The following HMCN2 variants were observed in gnomAD, a reference collection of about 807,000 sequenced individuals.
HMCN2 encodes the protein hemicentin-2.
Under a neutral mutation model 377.5 loss-of-function variants are expected in HMCN2, and 325 were observed. That is an observed-to-expected ratio of 0.86 (90% confidence interval 0.79 to 0.94). The LOEUF (loss-of-function observed/expected upper bound fraction) is 0.94. Ranked by LOEUF, HMCN2 falls within the 40% of genes least tolerant of loss-of-function variation. The pLI, the probability that HMCN2 is intolerant of heterozygous loss-of-function variation, is 0.00. For missense variants in HMCN2, 4,543 were observed against 4,725.3 expected (o/e 0.96, Z 1.13); for synonymous variants, 2,007 against 2,046.8 (o/e 0.98, Z 0.53).
chr9:130,341,501 C>A (rs1232123627), intron 24 of HMCN2, 136 bp downstream of exon 24: 1 of 152,262 alleles, frequency 6.6e-6, no homozygotes, highest in Non-Finnish European at 1.5e-5. Context: ...GAGCCCTGGC[C>A]CTTTCTGGGA....
At chr9:130,432,671 C>T (rs1002719984) in intron 97 of HMCN2, 116 bp downstream of exon 97, 52 of 1,177,990 alleles carry the variant, frequency 4.4e-5, no homozygotes, top group South Asian at 3.1e-4. Flanking sequence ...CAGGCAGGAA[C>T]GCACGGAGCC....
chr9:130,328,219 C>G (rs1838249948), intron 22 of HMCN2, among the ~76,000 whole-genome samples: 1 of 152,202 alleles, frequency 6.6e-6, no homozygotes, highest in East Asian at 1.9e-4. Context: ...CCGGGCACCC[C>G]TAGAGGTGGC....
intron 1 of HMCN2, among the ~76,000 whole-genome samples, chr9:130,267,479 C>CGG (rs1277344198): frequency 3.0e-4 from 45 of 148,684 alleles, no homozygotes; most frequent in African/African-American, 1.1e-3. Context: ...CACACACACG[C>CGG]ACAGATTCCT....
At position 130,430,485 on chromosome 9, in the gene HMCN2, C is replaced by T. The variant is rs995362377; in HGVS notation, c.14528C>T (p.Ser4843Leu). ...PLLPWLRPWASIPGTSYHAWV... is the reference protein window; with the variant it reads ...PLLPWLRPWALIPGTSYHAWV... ...TTGCCCTGGCTGCGGCCCTGGGCCT[C>T]GATCCCCGGTACCTCCTACCACGCC... The change falls in exon 95 of 98, where the codon TCG (serine) becomes TTG (leucine). Residue 4843 changes from serine (S) to leucine (L), a missense_variant. By Grantham distance (145) the Ser-to-Leu change is moderately radical. Coordinates refer to ENST00000683500, the MANE Select transcript of HMCN2 (RefSeq NM_001291815.2). The T allele has an allele frequency of 1.2e-5, 19 of 1,550,404 alleles. No homozygotes were observed. The highest frequency in any genetic ancestry group is 7.3e-5 in the East Asian group (3 of 40,938).
intron 26 of HMCN2, chr9:130,348,175 A>T: frequency 4.4e-6 from 2 of 458,992 alleles, no homozygotes; most frequent in Non-Finnish European, 5.7e-6. Flanking sequence ...CTTGCTCAAG[A>T]CATTTGTTAC....
chr9:130,411,366 C>T (rs566498115), intron 85 of HMCN2, among the ~76,000 whole-genome samples: 108 of 152,156 alleles, frequency 7.1e-4, no homozygotes, highest in Non-Finnish European at 1.3e-3. Flanking sequence ...CTTTGGGAGG[C>T]CAAGGCGGGT....
intron 57 of HMCN2, among the ~76,000 whole-genome samples, chr9:130,383,927 G>A (rs1357653520): frequency 6.6e-6 from 1 of 152,244 alleles, no homozygotes; most frequent in East Asian, 1.9e-4. Context: ...CAGCTTTGCA[G>A]CTGTGGGAGG....
In HMCN2 at chr9:130,422,635, C is replaced by A; in HGVS notation, c.13290C>A (p.Gly4430=). Residue 4430 remains glycine (G), a synonymous_variant, in exon 87 of 98, where the codon GGC becomes GGA. Transcript: ENST00000683500. The surrounding 1 kb of genome is among the most constrained non-coding windows in gnomAD (Gnocchi z 4.2). ...MTGVINGRKF[G]VATLNTSVMQ... is the part of the protein sequence containing the mutation. ...GGGTGATAAATGGCCGGAAATTTGG[C>A]GTGGCCACACTCAACACCAGCGTGA... 7.5e-7 allele frequency: 1 copy of A among 1,327,744 alleles called. No homozygotes were observed. Among genetic ancestry groups the A allele is most frequent in the South Asian group, 2.2e-5 (1 of 45,254 alleles). 82.2% of individuals were successfully genotyped at this position (1,327,744 alleles called of 1,614,324 possible).
intron 14 of HMCN2, among the ~76,000 whole-genome samples, chr9:130,309,683 A>T (rs1367401774): frequency 6.6e-6 from 1 of 152,038 alleles, no homozygotes; most frequent in Non-Finnish European, 1.5e-5. Flanking sequence ...GAGCCTTGTC[A>T]TGCAGAGCCT....
chr9:130,377,939 C>A, intron 53 of HMCN2, 140 bp downstream of exon 53: 2 of 608,594 alleles, frequency 3.3e-6, no homozygotes, highest in Non-Finnish European at 4.1e-6. Flanking sequence ...TCTCAGCAGC[C>A]CAGAACGGCA....
Position 130,312,596 on chromosome 9 carries a change from CTTT to C in HMCN2, c.2350+2536_2350+2538del, listed in dbSNP as rs1744708448. ...TCTTTCTTTCTTTCTTTCTTTCTTTCTTTCTTTCTTTCTTTCTTTCTCTGTCTC... is the reference window on the plus strand; with the variant it reads ...TCTTTCTTTCTTTCTTTCTTTCTTTCCTTTCTTTCTTTCTTTCTCTGTCTC... On this transcript the variant is annotated intron_variant, in intron 15 of 97. Coordinates refer to ENST00000683500, the MANE Select transcript of HMCN2 (RefSeq NM_001291815.2). Among the ~76,000 whole-genome samples, 48 of 91,996 alleles carry C rather than the reference CTTT, an allele frequency of 5.2e-4. 2 individuals are homozygous for C. The highest frequency in any genetic ancestry group is 1.9e-3 in the African/African-American group (45 of 23,280). 60.4% of individuals were successfully genotyped at this position (91,996 alleles called of 152,430 possible). A position where few individuals can be genotyped will look rare whatever the true frequency, so the allele number is the denominator to read the frequency against.
intron 15 of HMCN2, among the ~76,000 whole-genome samples, chr9:130,311,000 G>C (rs1310304231): frequency 6.6e-6 from 1 of 152,160 alleles, no homozygotes; most frequent in Non-Finnish European, 1.5e-5. Context: ...TGCAGATGTG[G>C]AGTCCAAATT....
Position 130,394,009 on chromosome 9 carries a change from G to T in HMCN2, c.10501+1G>T, listed in dbSNP as rs1270733740. Reference sequence around the variant, plus strand: ...AGGCATTTCCAGCTGACCGTCATGGGTGGGTCCTCTGGCCTCTGGCCAGCT... The same window carrying T: ...AGGCATTTCCAGCTGACCGTCATGGTTGGGTCCTCTGGCCTCTGGCCAGCT... On this transcript the variant is annotated splice_donor_variant, in intron 68 of 97. Coordinates refer to ENST00000683500, the MANE Select transcript of HMCN2 (RefSeq NM_001291815.2). LOFTEE classifies it high-confidence loss of function. The surrounding 1 kb of genome is among the most constrained non-coding windows in gnomAD (Gnocchi z 5.1). 5.6e-6 allele frequency: 7 copies of T among 1,251,792 alleles called. No individual in the cohort carries two copies. The Admixed American group carries it at 7.7e-5, about 14-fold the overall frequency. The allele number at this position is 1,251,792 out of a possible 1,614,324, so 77.5% of individuals were successfully genotyped here.
chr9:130,386,792 G>A (rs570268708), intron 61 of HMCN2, among the ~76,000 whole-genome samples: 2 of 152,338 alleles, frequency 1.3e-5, no homozygotes, highest in East Asian at 1.9e-4. Flanking sequence ...TTACAGGCGT[G>A]AGCCACTGCA....
At chr9:130,426,124 G>C (rs903914946) in intron 90 of HMCN2, among the ~76,000 whole-genome samples, 200 bp downstream of exon 90, 3 of 152,072 alleles carry the variant, frequency 2.0e-5, no homozygotes, top group Non-Finnish European at 4.4e-5. Flanking sequence ...TCCTCACAGG[G>C]ACACAGCTCT....
At chr9:130,316,445 C>T (rs904449065) in intron 15 of HMCN2, among the ~76,000 whole-genome samples, 11 of 152,010 alleles carry the variant, frequency 7.2e-5, no homozygotes, top group Non-Finnish European at 1.2e-4. Context: ...AAAAAAAGGA[C>T]GGGGCACCCC....
rs1463209405 is a variant in HMCN2 at position 130,384,551 on chromosome 9, G to GAGGTGGGTAAACC, written c.8992+17_8992+18insAGGTGGGTAAACC. On this transcript the variant is annotated intron_variant, in intron 58 of 97. Transcript: ENST00000683500. ...TCCTGCCTGGTGGGTAAACTGAGGT[G>GAGGTGGGTAAACC]TCCGGCCCAGCTCTAAGGTTACATG... 3.1e-6 allele frequency: 4 copies of GAGGTGGGTAAACC among 1,304,250 alleles called. 1 individual carries two copies. In the South Asian group the frequency reaches 4.9e-5, roughly 16 times the overall value. 80.8% of individuals were successfully genotyped at this position (1,304,250 alleles called of 1,614,324 possible). A position where few individuals can be genotyped will look rare whatever the true frequency, so the allele number is the denominator to read the frequency against.
At chr9:130,357,248 G>A in intron 34 of HMCN2, among the ~76,000 whole-genome samples, 1 of 146,732 alleles carries the variant, frequency 6.8e-6, no homozygotes, top group East Asian at 2.1e-4. Context: ...GTGGATGGAT[G>A]GAAGGGTGGG....
intron 90 of HMCN2, among the ~76,000 whole-genome samples, chr9:130,426,814 T>C (rs1354585659): frequency 6.6e-6 from 1 of 151,970 alleles, no homozygotes; most frequent in African/African-American, 2.4e-5. Context: ...GTATTTTATG[T>C]GTGACCCAAG....
Sources: gnomAD v4.1 joint callset for allele counts (sites outside exome capture counted in the v4.1 genomes callset) on GRCh38, gnomAD v4.1.1 for gene constraint, Gnocchi (gnomAD v3.1) non-coding constraint, MANE v1.5 for transcripts, NCBI Gene and HGNC (gene_info 2026-07-23, HGNC 2026-07-21) for gene names.